DPYD: variants seen among roughly 807,000 people sequenced by gnomAD.
The protein encoded by DPYD is dihydropyrimidine dehydrogenase.
Under a neutral mutation model 116.2 loss-of-function variants are expected in DPYD, and 109 were observed. That is an observed-to-expected ratio of 0.94 (90% confidence interval 0.80 to 1.10). The LOEUF (loss-of-function observed/expected upper bound fraction) is 1.10. Among genes scored for constraint, DPYD ranks in the 50% least tolerant of loss-of-function variants. The probability of loss-of-function intolerance (pLI) is 0.00; values close to 1 mark genes in which losing one functional copy is unlikely to be tolerated. For missense variants in DPYD, 1,302 were observed against 1,254.5 expected (o/e 1.04, Z -0.57); for synonymous variants, 440 against 432.0 (o/e 1.02, Z -0.23).
chr1:97,731,902 AT>A (rs1328608136), intron 4 of DPYD, among the ~76,000 whole-genome samples: 3 of 152,002 alleles, frequency 2.0e-5, no homozygotes, highest in African/African-American at 7.2e-5. Context: ...TTTAAAAATA[AT>A]TTAAATTTTA....
At chr1:97,661,201 C>A (rs1659236027) in intron 8 of DPYD, among the ~76,000 whole-genome samples, 1 of 152,138 alleles carries the variant, frequency 6.6e-6, no homozygotes, top group African/African-American at 2.4e-5. Context: ...TGTAGGTATA[C>A]ATATTAGAGT....
chr1:97,656,399 C>T (rs966549909), intron 8 of DPYD, among the ~76,000 whole-genome samples: 5 of 152,072 alleles, frequency 3.3e-5, no homozygotes, highest in African/African-American at 7.2e-5. Context: ...TTTTTTAATA[C>T]ACTCTTCATA....
chr1:97,192,273 G>A (rs191967037), intron 20 of DPYD, among the ~76,000 whole-genome samples: 50 of 152,124 alleles, frequency 3.3e-4, no homozygotes, highest in East Asian at 9.6e-4. Flanking sequence ...TCTTTTTCAT[G>A]TGACCTGCTT....
chr1:97,750,866 T>C (rs1664840811), intron 3 of DPYD, among the ~76,000 whole-genome samples: 1 of 152,098 alleles, frequency 6.6e-6, no homozygotes, highest in African/African-American at 2.4e-5. Flanking sequence ...CAAATTTTGG[T>C]ATATGCAAGG....
At chr1:97,851,266 A>ATATATG (rs1491116321) in intron 2 of DPYD, among the ~76,000 whole-genome samples, 10 of 147,822 alleles carry the variant, frequency 6.8e-5, no homozygotes, top group Admixed American at 4.7e-4. Context: ...ATATATATAT[A>ATATATG]TGTCACTTCT....
At position 97,841,333 on chromosome 1, in the gene DPYD, T is replaced by C. The variant is rs539201227; in HGVS notation, c.151-13137A>G. Among the ~76,000 whole-genome samples the C allele has an allele frequency of 1.6e-3, 244 of 152,174 alleles. 2 individuals are homozygous for C. The highest frequency in any genetic ancestry group is 3.4e-3 in the Middle Eastern group (1 of 294). ...AGATTATCACAGAGACAAGAGAAGATTGACCAAAAGATTAGTGACCCTTTC... is the reference window on the plus strand; with the variant it reads ...AGATTATCACAGAGACAAGAGAAGACTGACCAAAAGATTAGTGACCCTTTC... On this transcript the variant is annotated intron_variant, in intron 2 of 22. Coordinates refer to ENST00000370192, the MANE Select transcript of DPYD (RefSeq NM_000110.4).
intron 18 of DPYD, among the ~76,000 whole-genome samples, chr1:97,259,834 T>C (rs538396080): frequency 1.6e-4 from 24 of 152,232 alleles, no homozygotes; most frequent in Admixed American, 6.5e-5. Context: ...CAGACTGAAA[T>C]TGGAAGATGA....
intron 16 of DPYD, among the ~76,000 whole-genome samples, chr1:97,361,591 A>G (rs977120554): frequency 6.6e-6 from 1 of 152,220 alleles, no homozygotes; most frequent in Non-Finnish European, 1.5e-5. Flanking sequence ...CAGCACATCA[A>G]AAAGCTTATC....
intron 8 of DPYD, among the ~76,000 whole-genome samples, chr1:97,597,493 G>C (rs1476775240): frequency 5.9e-5 from 9 of 152,178 alleles, no homozygotes; most frequent in Non-Finnish European, 1.2e-4. Context: ...ATCCTGTGAA[G>C]GTTAGGGTTA....
In DPYD at chr1:97,592,370, T is replaced by C. The variant is rs1472581513; in HGVS notation, c.1128+848A>G. Reference sequence around the variant, plus strand: ...AATGAAATGATTTTAAACATGTTATTATTACTATTTTTTTGAGACAGAGTC... The same window carrying C: ...AATGAAATGATTTTAAACATGTTATCATTACTATTTTTTTGAGACAGAGTC... On this transcript the variant is annotated intron_variant, in intron 10 of 22. Transcript: ENST00000370192. 2.0e-5 allele frequency among the ~76,000 whole-genome samples: 3 copies of C among 152,112 alleles called. No homozygotes were observed. In the East Asian group the frequency reaches 5.8e-4, roughly 29 times the overall value.
intron 12 of DPYD, among the ~76,000 whole-genome samples, chr1:97,522,531 G>A (rs908702597): frequency 1.3e-5 from 2 of 151,882 alleles, no homozygotes; most frequent in East Asian, 1.9e-4. Flanking sequence ...GACCATCCTG[G>A]CTATGGTGAA....
intron 16 of DPYD, among the ~76,000 whole-genome samples, chr1:97,338,268 A>C (rs1669407103): frequency 6.6e-6 from 1 of 152,204 alleles, no homozygotes; most frequent in South Asian, 2.1e-4. Context: ...GCAATATTTA[A>C]AACTGTGAAA....
At chr1:97,829,227 C>A (rs1401181547) in intron 2 of DPYD, among the ~76,000 whole-genome samples, 2 of 151,630 alleles carry the variant, frequency 1.3e-5, no homozygotes, top group African/African-American at 4.8e-5. Flanking sequence ...CTGAATTTTA[C>A]AAAATTACAG....
intron 19 of DPYD, among the ~76,000 whole-genome samples, chr1:97,203,793 CAAAAAAAA>C (rs56819543): frequency 5.7e-3 from 374 of 65,744 alleles, no homozygotes; most frequent in African/African-American, 9.8e-3. Context: ...ATTCACATTC[CAAAAAAAA>C]AAAAAAAAAA....
intron 3 of DPYD, among the ~76,000 whole-genome samples, chr1:97,794,334 T>A (rs913008323): frequency 6.6e-6 from 1 of 152,110 alleles, no homozygotes; most frequent in East Asian, 1.9e-4. Context: ...CATAATATTG[T>A]TTAAACTCTC....
chr1:97,754,142 T>C (rs140642223), intron 3 of DPYD, among the ~76,000 whole-genome samples: 6 of 152,274 alleles, frequency 3.9e-5, no homozygotes, highest in African/African-American at 1.2e-4. Flanking sequence ...AATATAAATG[T>C]TTAATCTTCT....
intron 13 of DPYD, among the ~76,000 whole-genome samples, chr1:97,490,012 T>C (rs760502835): frequency 3.3e-5 from 5 of 152,134 alleles, no homozygotes; most frequent in Non-Finnish European, 7.4e-5. Context: ...GTGTTCCTGG[T>C]TGCGCAAGTC....
rs141988411 is a variant in DPYD at position 97,461,422 on chromosome 1, A to C, written c.1741-11199T>G. ...AAGCATAAAACTTCCCTATAGAGGT[A>C]ATTTCAAACTCATATTAAAGTCATT... On this transcript the variant is annotated intron_variant, in intron 13 of 22. Coordinates refer to ENST00000370192, the MANE Select transcript of DPYD (RefSeq NM_000110.4). Among the ~76,000 whole-genome samples the C allele has an allele frequency of 4.3e-3, 652 of 152,292 alleles. 7 individuals carry two copies. Among genetic ancestry groups the C allele is most frequent in the African/African-American group, 0.015 (635 of 41,568 alleles).
rs886553467 is a variant in DPYD at position 97,515,738 on chromosome 1, G to C, written c.1728C>G (p.Phe576Leu). 10 of 1,612,426 alleles carry C rather than the reference G, an allele frequency of 6.2e-6. No homozygotes were observed. The highest frequency in any genetic ancestry group is 1.3e-5 in the African/African-American group (1 of 74,820). The change falls in exon 13 of 23, where the codon TTC becomes TTG. Residue 576 changes from phenylalanine to leucine, a missense_variant. Physicochemically the swap from Phe to Leu is conservative, Grantham distance 22 (BLOSUM62 0). Coordinates refer to ENST00000370192, the MANE Select transcript of DPYD (RefSeq NM_000110.4). ...AGWGFALTKT[F>L]SLDKDIVTNV... The stretch of plus-strand genomic sequence containing the variant: ...AATATTTTCTTACCTTATCAAGAGA[G>C]AAAGTTTTGGTGAGGGCAAAACCCC...
Sources: allele counts gnomAD v4.1 joint callset (sites outside exome capture counted in the v4.1 genomes callset), GRCh38; gene constraint gnomAD v4.1.1; transcripts MANE v1.5; gene names NCBI Gene and HGNC (gene_info 2026-07-23, HGNC 2026-07-21).